The following AGO3 variants were observed in gnomAD, a reference collection of about 807,000 sequenced individuals.
AGO3 encodes protein argonaute-3.
In AGO3, 16 loss-of-function variants were observed where a neutral mutation model predicts 105.5. That is an observed-to-expected ratio of 0.15 (90% CI 0.10 to 0.23). The LOEUF is 0.23. Among genes scored for constraint, AGO3 ranks in the 10% least tolerant of loss-of-function variants. The pLI is 1.00. For synonymous variants in AGO3, 340 were observed against 367.3 expected, an observed-to-expected ratio of 0.93 and a Z score of 0.85; for missense variants, 534 against 1,088.0, an observed-to-expected ratio of 0.49 and a Z score of 7.16.
chr1:36,005,873 A>G, intron 6 of AGO3: 1 of 985,276 alleles, frequency 1.0e-6, no homozygotes, highest in Non-Finnish European at 1.2e-6. Flanking sequence ...AGCCAAGTTT[A>G]TAGGTTAAAT....
intron 8 of AGO3, 80 bp downstream of exon 8, chr1:36,009,124 T>G (rs533884301): frequency 2.2e-6 from 3 of 1,367,342 alleles, no homozygotes; most frequent in South Asian, 3.2e-5. Flanking sequence ...ACTTACCTCA[T>G]ACAGAACATT....
intron 9 of AGO3, among the ~76,000 whole-genome samples, chr1:36,013,256 T>G (rs1191452725): frequency 4.6e-5 from 7 of 152,128 alleles, no homozygotes; most frequent in African/African-American, 1.7e-4. Context: ...TTAATTTTTT[T>G]GTAGAGACAG....
intron 1 of AGO3, among the ~76,000 whole-genome samples, chr1:35,937,982 T>A (rs1283133465): frequency 1.3e-4 from 19 of 141,600 alleles, no homozygotes; most frequent in African/African-American, 4.4e-4. Context: ...AATGTATTCT[T>A]TTTTTTTTTT....
chr1:35,993,665 A>T (rs1054621211), intron 5 of AGO3, among the ~76,000 whole-genome samples: 1 of 151,948 alleles, frequency 6.6e-6, no homozygotes, highest in Non-Finnish European at 1.5e-5. Context: ...TCTATAATGT[A>T]AGGAAAAATA....
At chr1:36,041,991 T>C (rs188486693) in intron 16 of AGO3, among the ~76,000 whole-genome samples, 42 of 152,300 alleles carry the variant, frequency 2.8e-4, no homozygotes, top group Non-Finnish European at 1.3e-4. Context: ...AGTGGTAGAA[T>C]AGAGAAGAAG....
rs1641564594 is a variant in AGO3, at chr1:36,027,651, C to CGCCTGTGGTCCCA, written c.1591+357_1591+369dup. Among the ~76,000 whole-genome samples, 1 of 151,808 alleles carries CGCCTGTGGTCCCA rather than the reference C, an allele frequency of 6.6e-6. No individual in the cohort carries two copies. The highest frequency in any genetic ancestry group is 1.5e-5 in the Non-Finnish European group (1 of 67,954). ...AAAATTAGCTGGGCGTGGTGGTGGG[C>CGCCTGTGGTCCCA]GCCTGTGGTCCCAGCCACTCAGGAG... On this transcript the variant is annotated intron_variant, in intron 12 of 18. Coordinates refer to ENST00000373191, the MANE Select transcript of AGO3 (RefSeq NM_024852.4). The surrounding 1 kb of genome is among the most constrained non-coding windows in gnomAD (Gnocchi z 4.0).
chr1:35,931,499 G>A, intron 1 of AGO3, 54 bp downstream of exon 1: 1 of 1,389,994 alleles, frequency 7.2e-7, no homozygotes, highest in South Asian at 1.7e-5. Flanking sequence ...ACTGTCCTCT[G>A]AGCATCCCTG....
intron 11 of AGO3, among the ~76,000 whole-genome samples, chr1:36,025,900 C>T (rs375475621): frequency 7.2e-5 from 11 of 151,962 alleles, no homozygotes; most frequent in African/African-American, 2.2e-4. Context: ...TAGCCAGGCG[C>T]GGTGGCACAT....
intron 1 of AGO3, among the ~76,000 whole-genome samples, chr1:35,941,838 C>A (rs1359144386): frequency 6.6e-6 from 1 of 152,192 alleles, no homozygotes; most frequent in Non-Finnish European, 1.5e-5. Context: ...ACCAGAAATA[C>A]AAAAACTTAG....
In AGO3 at chr1:36,061,617, G is replaced by A. The variant is rs1394894032; in HGVS notation, c.*5872G>A. On this transcript the variant is annotated 3_prime_UTR_variant, in exon 19 of 19. Transcript: ENST00000373191. Reference sequence around the variant, plus strand: ...CTGTCAAATCACCTATCCAGCCATCGGGGTCCCTTCCTTTTTTAGACTAAT... The same window carrying A: ...CTGTCAAATCACCTATCCAGCCATCAGGGTCCCTTCCTTTTTTAGACTAAT... The A allele has an allele frequency of 5.9e-5, 9 of 152,104 alleles. No homozygotes were observed. The highest frequency in any genetic ancestry group is 1.0e-4 in the Non-Finnish European group (7 of 68,012). The allele number at this position is 152,104 out of a possible 1,614,324, so 9.4% of individuals were successfully genotyped here. A position where few individuals can be genotyped will look rare whatever the true frequency, so the allele number is the denominator to read the frequency against.
intron 2 of AGO3, among the ~76,000 whole-genome samples, chr1:35,953,582 GTGGCACGATCT>G (rs1646512350): frequency 6.6e-6 from 1 of 150,506 alleles, no homozygotes; most frequent in Non-Finnish European, 1.5e-5. Flanking sequence ...CTGGAGTGCA[GTGGCACGATCT>G]TAGCTCACTG....
intron 3 of AGO3, among the ~76,000 whole-genome samples, chr1:35,970,910 A>G (rs985376739): frequency 4.0e-5 from 6 of 151,016 alleles, no homozygotes; most frequent in Admixed American, 1.3e-4. Flanking sequence ...AATTTTTTGT[A>G]GAGACTAGGT....
intron 2 of AGO3, among the ~76,000 whole-genome samples, chr1:35,959,953 C>T (rs574014669): frequency 1.3e-5 from 2 of 151,614 alleles, no homozygotes; most frequent in Admixed American, 6.6e-5. Context: ...CCATTTGGTT[C>T]CTGAGACTGT....
chr1:35,997,209 G>A (rs920535674), intron 5 of AGO3, among the ~76,000 whole-genome samples: 1 of 152,044 alleles, frequency 6.6e-6, no homozygotes, highest in African/African-American at 2.4e-5. Context: ...AACCTGGGAG[G>A]TGGAGGTTGG....
chr1:36,049,945 A>G (rs558788768), intron 17 of AGO3, among the ~76,000 whole-genome samples: 1 of 152,244 alleles, frequency 6.6e-6, no homozygotes, highest in African/African-American at 2.4e-5. Context: ...CTAAAGAAAG[A>G]AGGAGACTCC....
intron 13 of AGO3, among the ~76,000 whole-genome samples, chr1:36,035,357 C>T (rs752132216): frequency 2.0e-4 from 31 of 152,030 alleles, no homozygotes; most frequent in East Asian, 5.8e-4. Context: ...ACTGTGATTA[C>T]GCCACTGCAC....
At chr1:35,959,357 A>G (rs1371689033) in intron 2 of AGO3, among the ~76,000 whole-genome samples, 1 of 152,144 alleles carries the variant, frequency 6.6e-6, no homozygotes, top group Non-Finnish European at 1.5e-5. Flanking sequence ...GTTATTACCA[A>G]TTATTCTTAA....
chr1:35,959,805 G>A (rs1372305113), intron 2 of AGO3, among the ~76,000 whole-genome samples: 1 of 151,914 alleles, frequency 6.6e-6, no homozygotes, highest in South Asian at 2.1e-4. Context: ...AAACATTGTA[G>A]TGTATTCATT....
At chr1:36,004,127 A>C (rs1472239859) in intron 5 of AGO3, 1 of 422,732 alleles carries the variant, frequency 2.4e-6, no homozygotes, top group Admixed American at 4.0e-5. Flanking sequence ...ACTTACGATG[A>C]AAGAGATAGA....
Sources: gnomAD v4.1 joint callset for allele counts (sites outside exome capture counted in the v4.1 genomes callset) on GRCh38, gnomAD v4.1.1 for gene constraint, Gnocchi (gnomAD v3.1) non-coding constraint, MANE v1.5 for transcripts, NCBI Gene and HGNC (gene_info 2026-07-23, HGNC 2026-07-21) for gene names.